Variants in SLC7A8 observed in about 807,000 individuals in gnomAD.
The protein encoded by SLC7A8 is large neutral amino acids transporter small subunit 2.
SLC7A8 carries 30 observed loss-of-function variants against 51.2 expected under a neutral mutation model. That is an observed-to-expected ratio of 0.59 (90% CI 0.44 to 0.80). SLC7A8 has a LOEUF of 0.80. SLC7A8 is among the 30% of genes least tolerant of loss of function. SLC7A8 has a pLI of 0.00. For missense variants in SLC7A8, 612 were observed against 674.4 expected, an observed-to-expected ratio of 0.91 and a Z score of 1.03; for synonymous variants, 257 against 275.8, an observed-to-expected ratio of 0.93 and a Z score of 0.67.
intron 3 of SLC7A8, chr14:23,156,184 G>C (rs540592952): frequency 2.0e-5 from 3 of 152,204 alleles, no homozygotes; most frequent in Non-Finnish European, 4.4e-5. Context: ...TTTTAGTAGA[G>C]ACAGGGTTTC....
chr14:23,135,818 C>A (rs1211125273), intron 7 of SLC7A8, among the ~76,000 whole-genome samples: 1 of 152,116 alleles, frequency 6.6e-6, no homozygotes, highest in African/African-American at 2.4e-5. Context: ...CACATTATAT[C>A]AATGTATTGA....
chr14:23,173,316 C>T (rs2048983907), intron 1 of SLC7A8, among the ~76,000 whole-genome samples: 1 of 152,180 alleles, frequency 6.6e-6, no homozygotes, highest in Non-Finnish European at 1.5e-5. Flanking sequence ...CTGGCATGGG[C>T]TGTTCAGAAA....
intron 3 of SLC7A8, among the ~76,000 whole-genome samples, chr14:23,146,493 G>A (rs2048795241): frequency 6.6e-6 from 1 of 152,164 alleles, no homozygotes; most frequent in African/African-American, 2.4e-5. Flanking sequence ...TCAGCTCTGT[G>A]GTCTTCCTGG....
At chr14:23,131,321 C>T (rs576599751) in intron 8 of SLC7A8, 140 bp downstream of exon 8, 4 of 576,094 alleles carry the variant, frequency 6.9e-6, no homozygotes, top group Non-Finnish European at 1.2e-5. Flanking sequence ...TATCATTTGC[C>T]AGATCCTCTA....
intron 3 of SLC7A8, among the ~76,000 whole-genome samples, chr14:23,149,862 A>C (rs546186458): frequency 4.6e-5 from 7 of 152,230 alleles, no homozygotes; most frequent in Non-Finnish European, 8.8e-5. Context: ...TTTAATGCAC[A>C]AATACAACTG....
chr14:23,176,353 C>T (rs933553100), intron 1 of SLC7A8, among the ~76,000 whole-genome samples: 6 of 152,152 alleles, frequency 3.9e-5, no homozygotes, highest in Non-Finnish European at 8.8e-5. Context: ...ATCAGACATC[C>T]GTGGTCTTTC....
intron 7 of SLC7A8, 72 bp downstream of exon 7, chr14:23,137,849 C>A: frequency 6.4e-7 from 1 of 1,571,044 alleles, no homozygotes; most frequent in Non-Finnish European, 8.6e-7. Flanking sequence ...CAGAGACAAG[C>A]CCACCATATA....
chr14:23,141,123 C>T (rs1176382501), intron 4 of SLC7A8, among the ~76,000 whole-genome samples: 1 of 151,932 alleles, frequency 6.6e-6, no homozygotes, highest in African/African-American at 2.4e-5. Flanking sequence ...ATCTCCACCA[C>T]TAATTTAAAA....
chr14:23,168,185 A>T (rs2048959277), intron 1 of SLC7A8, among the ~76,000 whole-genome samples: 1 of 152,172 alleles, frequency 6.6e-6, no homozygotes, highest in Non-Finnish European at 1.5e-5. Context: ...TCCTTTACAG[A>T]CTTTTCCTCT....
At chr14:23,180,443 T>G (rs1005695942) in intron 1 of SLC7A8, among the ~76,000 whole-genome samples, 1 of 152,172 alleles carries the variant, frequency 6.6e-6, no homozygotes, top group Admixed American at 6.5e-5. Flanking sequence ...GTTATCATCT[T>G]AAAGGGGAAA....
rs574459292 is a variant in SLC7A8 at position 23,171,401 on chromosome 14, C to A, written c.152-4861G>T. ...CGGAATTGAGAAAACCCACATTTGC[C>A]GTGAATAATCACTAACTCCCCCATC... On this transcript the variant is annotated intron_variant, in intron 1 of 10. Coordinates refer to ENST00000316902, the MANE Select transcript of SLC7A8 (RefSeq NM_012244.4). 7.9e-5 allele frequency among the ~76,000 whole-genome samples: 12 copies of A among 152,256 alleles called. No homozygotes were observed. In the South Asian group the frequency reaches 1.0e-3, roughly 13 times the overall value.
In SLC7A8 at chr14:23,126,813, C is replaced by A. The variant is rs1200750616; in HGVS notation, c.*364G>T. ...ATGCAGCTCCTGTGGCCTCTCCTCTCTGAAGGGGCCTCCCTGGGAGGGAAG... is the reference window on the plus strand; with the variant it reads ...ATGCAGCTCCTGTGGCCTCTCCTCTATGAAGGGGCCTCCCTGGGAGGGAAG... On this transcript the variant is annotated 3_prime_UTR_variant, in exon 11 of 11. Coordinates refer to ENST00000316902, the MANE Select transcript of SLC7A8 (RefSeq NM_012244.4). 1.0e-5 allele frequency: 3 copies of A among 296,986 alleles called. No individual in the cohort carries two copies. In the East Asian group the frequency reaches 2.4e-4, roughly 24 times the overall value. The allele number at this position is 296,986 out of a possible 1,614,324, so 18.4% of individuals were successfully genotyped here.
chr14:23,183,086 C>A lies in SLC7A8; in HGVS notation c.-172G>T. ...AGAGAACACGAAAAATATTCCTACTCCGCATTCACACTTTCTGGTCACTCG... is the reference window on the plus strand; with the variant it reads ...AGAGAACACGAAAAATATTCCTACTACGCATTCACACTTTCTGGTCACTCG... On this transcript the variant is annotated 5_prime_UTR_variant, in exon 1 of 11. Coordinates refer to ENST00000316902, the MANE Select transcript of SLC7A8 (RefSeq NM_012244.4). 1 of 492,894 alleles carries A rather than the reference C, an allele frequency of 2.0e-6. No homozygotes were observed. 30.5% of individuals were successfully genotyped at this position (492,894 alleles called of 1,614,324 possible).
At chr14:23,127,800 G>A (rs1306195835) in intron 10 of SLC7A8, among the ~76,000 whole-genome samples, 3 of 152,158 alleles carry the variant, frequency 2.0e-5, no homozygotes, top group Admixed American at 6.5e-5. Flanking sequence ...CTATTCTTGC[G>A]GGTCTAAGGT....
intron 1 of SLC7A8, among the ~76,000 whole-genome samples, chr14:23,179,780 A>G (rs1436346964): frequency 6.6e-6 from 1 of 152,206 alleles, no homozygotes; most frequent in African/African-American, 2.4e-5. Context: ...ACAGCACTCC[A>G]GCCTAGGCAA....
intron 3 of SLC7A8, among the ~76,000 whole-genome samples, chr14:23,154,839 A>AT: frequency 6.6e-6 from 1 of 151,718 alleles, no homozygotes; most frequent in Non-Finnish European, 1.5e-5. Context: ...ACCTCAAGAC[A>AT]TTTTTTAGAG....
chr14:23,152,391 A>G (rs1461451260), intron 3 of SLC7A8, among the ~76,000 whole-genome samples: 1 of 150,902 alleles, frequency 6.6e-6, no homozygotes, highest in Non-Finnish European at 1.5e-5. Flanking sequence ...TTGGCCTCTC[A>G]AAGTGCTGGG....
At position 23,143,168 on chromosome 14, in the gene SLC7A8, C is replaced by T. The variant is rs776541247; in HGVS notation, c.545G>A (p.Trp182Ter). 1 of 1,614,174 alleles carries T rather than the reference C, an allele frequency of 6.2e-7. No homozygotes were observed. Among genetic ancestry groups the T allele is most frequent in the East Asian group, 2.2e-5 (1 of 44,868 alleles). The change falls in exon 4 of 11, where the codon TGG becomes TAG. Residue 182 changes from tryptophan (W) to a stop codon, truncating the protein, a stop_gained. Coordinates refer to ENST00000316902, the MANE Select transcript of SLC7A8 (RefSeq NM_012244.4). LOFTEE classifies it high-confidence loss of function. ...GAAGATGTCTTGAACCCGGGTGGCC[C>T]ACCGCACACTGGAACAGTTGACCCA... is the stretch of plus-strand genomic sequence containing the variant. ...LTWVNCSSVR[W>*]ATRVQDIFTA...
At chr14:23,162,544 G>A (rs1034686649) in intron 3 of SLC7A8, among the ~76,000 whole-genome samples, 2 of 152,082 alleles carry the variant, frequency 1.3e-5, no homozygotes, top group Admixed American at 6.5e-5. Flanking sequence ...AGAGGAGGGG[G>A]GTCTTGTCAT....
Sources: gnomAD v4.1 joint callset for allele counts (sites outside exome capture counted in the v4.1 genomes callset) on GRCh38, gnomAD v4.1.1 for gene constraint, MANE v1.5 for transcripts, NCBI Gene and HGNC (gene_info 2026-07-23, HGNC 2026-07-21) for gene names.